Variants in GRIK2 observed in about 807,000 individuals in gnomAD.
The protein encoded by GRIK2 is glutamate receptor ionotropic, kainate 2.
Under a neutral mutation model 100.3 loss-of-function variants are expected in GRIK2, and 32 were observed. That is an observed-to-expected ratio of 0.32 (90% CI 0.24 to 0.43). The LOEUF (loss-of-function observed/expected upper bound fraction) is 0.43. Among genes scored for constraint, GRIK2 ranks in the 20% least tolerant of loss-of-function variants. GRIK2 has a pLI of 1.00. For missense variants in GRIK2, 843 were observed against 1,114.9 expected, an observed-to-expected ratio of 0.76 and a Z score of 3.47; for synonymous variants, 417 against 389.4, an observed-to-expected ratio of 1.07 and a Z score of -0.83.
chr6:101,499,108 C>T (rs1773613195), intron 2 of GRIK2, among the ~76,000 whole-genome samples: 1 of 152,022 alleles, frequency 6.6e-6, no homozygotes. Context: ...TTCCTTACAC[C>T]TTATACAAAA....
chr6:101,976,671 C>G (rs1793397958), intron 14 of GRIK2, among the ~76,000 whole-genome samples: 1 of 151,258 alleles, frequency 6.6e-6, no homozygotes, highest in South Asian at 2.1e-4. Flanking sequence ...ACCTAGGTGA[C>G]AAAGAGACAT....
intron 11 of GRIK2, among the ~76,000 whole-genome samples, chr6:101,883,092 A>T (rs1786369905): frequency 6.6e-6 from 1 of 151,954 alleles, no homozygotes; most frequent in African/African-American, 2.4e-5. Context: ...CCAGAGATGG[A>T]GACCTCAACA....
intron 2 of GRIK2, among the ~76,000 whole-genome samples, chr6:101,499,509 T>G (rs1773638897): frequency 6.6e-6 from 1 of 152,146 alleles, no homozygotes. Context: ...TTTAAGTACT[T>G]TTTAATGTGC....
At chr6:101,513,930 A>T (rs17816030) in intron 2 of GRIK2, among the ~76,000 whole-genome samples, 19,629 of 152,146 alleles carry the variant, frequency 0.13, 1,474 homozygotes, top group Middle Eastern at 0.21. Flanking sequence ...ACAATAGGGA[A>T]AAAATGATAA....
intron 7 of GRIK2, among the ~76,000 whole-genome samples, chr6:101,790,901 T>C (rs1259643135): frequency 6.6e-6 from 1 of 152,090 alleles, no homozygotes; most frequent in African/African-American, 2.4e-5. Context: ...TATTGGTCTA[T>C]TCAGAGATTC....
intron 14 of GRIK2, among the ~76,000 whole-genome samples, chr6:102,016,625 A>T (rs983465708): frequency 7.9e-5 from 12 of 151,954 alleles, no homozygotes; most frequent in African/African-American, 2.9e-4. Flanking sequence ...ATGGGATTAG[A>T]TAAGGAGACT....
At chr6:101,856,529 G>C (rs1180316329) in intron 10 of GRIK2, among the ~76,000 whole-genome samples, 1 of 151,988 alleles carries the variant, frequency 6.6e-6, no homozygotes, top group Non-Finnish European at 1.5e-5. Context: ...AAAAAAGTAG[G>C]AATAAAATTT....
At chr6:101,483,509 A>G (rs2128262399) in intron 2 of GRIK2, among the ~76,000 whole-genome samples, 1 of 152,296 alleles carries the variant, frequency 6.6e-6, no homozygotes, top group East Asian at 1.9e-4. Context: ...GTTAAAACTT[A>G]TCTAACTGAA....
chr6:101,532,290 A>C (rs1302562492), intron 2 of GRIK2, among the ~76,000 whole-genome samples: 1 of 151,924 alleles, frequency 6.6e-6, no homozygotes, highest in East Asian at 1.9e-4. Flanking sequence ...AAGCTCAGTT[A>C]ACATTCTTAT....
intron 7 of GRIK2, among the ~76,000 whole-genome samples, chr6:101,769,081 T>C (rs551575087): frequency 6.6e-6 from 1 of 152,284 alleles, no homozygotes; most frequent in East Asian, 1.9e-4. Context: ...GCTTTTAACT[T>C]TTGGTTAAGG....
At chr6:101,932,366 C>A (rs1404395209) in intron 14 of GRIK2, among the ~76,000 whole-genome samples, 1 of 151,966 alleles carries the variant, frequency 6.6e-6, no homozygotes, top group Non-Finnish European at 1.5e-5. Context: ...TATTCCTAGT[C>A]CTGTGTTGCA....
intron 11 of GRIK2, among the ~76,000 whole-genome samples, chr6:101,882,351 A>G (rs1425543986): frequency 6.6e-6 from 1 of 152,120 alleles, no homozygotes; most frequent in Non-Finnish European, 1.5e-5. Flanking sequence ...GGGGAATAAA[A>G]CAAAACTAAA....
chr6:101,684,089 G>A (rs1344481361), intron 6 of GRIK2, among the ~76,000 whole-genome samples: 2 of 152,154 alleles, frequency 1.3e-5, no homozygotes, highest in Non-Finnish European at 2.9e-5. Flanking sequence ...GCAGTAGGAT[G>A]TATTTTACTT....
At chr6:101,973,768 A>G (rs1793202949) in intron 14 of GRIK2, among the ~76,000 whole-genome samples, 1 of 151,900 alleles carries the variant, frequency 6.6e-6, no homozygotes, top group East Asian at 1.9e-4. Flanking sequence ...TTGGAACCCT[A>G]TTACCTTCAG....
At chr6:101,955,827 T>G (rs73498641) in intron 14 of GRIK2, among the ~76,000 whole-genome samples, 10,758 of 152,114 alleles carry the variant, frequency 0.071, 943 homozygotes, top group African/African-American at 0.21. Context: ...TAAGTATTGT[T>G]GATCTTTTCA....
chr6:101,965,723 T>G (rs1171924430), intron 14 of GRIK2, among the ~76,000 whole-genome samples: 2 of 152,124 alleles, frequency 1.3e-5, no homozygotes, highest in Non-Finnish European at 2.9e-5. Flanking sequence ...GTCATAAATT[T>G]GAAGTCTGTG....
rs1198203842 is a variant in GRIK2 at position 101,832,427 on chromosome 6, A to G, written c.1317+13944A>G. On this transcript the variant is annotated intron_variant, in intron 10 of 16. Coordinates refer to ENST00000369134, the MANE Select transcript of GRIK2 (RefSeq NM_021956.5). ...AAAGAAACATTTTCTGAAGCAATTT[A>G]GGATAAATGTAAGAACAATCATTTC... 2.0e-5 allele frequency among the ~76,000 whole-genome samples: 3 copies of G among 152,212 alleles called. No individual in the cohort carries two copies. In the East Asian group the frequency reaches 5.8e-4, roughly 29 times the overall value.
intron 7 of GRIK2, among the ~76,000 whole-genome samples, chr6:101,792,434 C>A (rs1779942262): frequency 6.6e-6 from 1 of 151,822 alleles, no homozygotes; most frequent in African/African-American, 2.4e-5. Flanking sequence ...ATTTGCTTGT[C>A]TGTAAAGTAT....
At chr6:101,543,246 T>C (rs1776089987) in intron 2 of GRIK2, among the ~76,000 whole-genome samples, 1 of 152,176 alleles carries the variant, frequency 6.6e-6, no homozygotes, top group African/African-American at 2.4e-5. Flanking sequence ...TTAATCTTAT[T>C]TTCTTCTGTG....
Sources: gnomAD v4.1 joint callset for allele counts (sites outside exome capture counted in the v4.1 genomes callset) on GRCh38, gnomAD v4.1.1 for gene constraint, MANE v1.5 for transcripts, NCBI Gene and HGNC (gene_info 2026-07-23, HGNC 2026-07-21) for gene names.